Variants in STRN observed in about 807,000 individuals in gnomAD.
STRN encodes striatin.
Under a neutral mutation model 96.3 loss-of-function variants are expected in STRN, and 53 were observed. The ratio of observed to expected loss-of-function variants is 0.55; its 90% CI spans 0.44 to 0.69. The LOEUF (loss-of-function observed/expected upper bound fraction) is 0.69, where lower values mean the gene tolerates loss of function less well. Among genes scored for constraint, STRN ranks in the 30% least tolerant of loss-of-function variants. The pLI, the probability that STRN is intolerant of heterozygous loss-of-function variation, is 0.00. For missense variants in STRN, 987 were observed against 963.9 expected (o/e 1.02, Z -0.32); for synonymous variants, 428 against 355.9 (o/e 1.20, Z -2.28).
At position 36,843,808 on chromosome 2, in the gene STRN, G is replaced by C. The variant is rs933596092; in HGVS notation, c.*5648C>G. The C allele has an allele frequency of 1.3e-5, 2 of 151,996 alleles. No individual in the cohort carries two copies. The highest frequency in any genetic ancestry group is 2.4e-5 in the African/African-American group (1 of 41,396). The allele number at this position is 151,996 out of a possible 1,614,324, so 9.4% of individuals were successfully genotyped here. On this transcript the variant is annotated 3_prime_UTR_variant, in exon 18 of 18. Coordinates refer to ENST00000263918, the MANE Select transcript of STRN (RefSeq NM_003162.4). The stretch of plus-strand genomic sequence containing the variant: ...CACCTATAGCATGTTATCTATATTT[G>C]TACACTTTATTTAAAAACAAATAAT...
Position 36,861,153 on chromosome 2 carries a change from T to G in STRN, c.1648A>C (p.Ile550Leu), listed in dbSNP as rs745755370. ...IQGWNTTNPN[I>L]DPYDSYDPSV... ...CTACCATAAGAATCATAGGGGTCGA[T>G]GTTGGGATTAGTGGTATTCCAGCCC... is the stretch of plus-strand genomic sequence containing the variant. The change falls in exon 13 of 18, where the codon ATC (isoleucine) becomes CTC (leucine). Residue 550 changes from isoleucine (I) to leucine (L), a missense_variant. Ile to Leu is a conservative substitution (Grantham distance 5). Transcript: ENST00000263918. The G allele has an allele frequency of 6.2e-7, 1 of 1,614,086 alleles. No individual in the cohort carries two copies. The highest frequency in any genetic ancestry group is 8.5e-7 in the Non-Finnish European group (1 of 1,179,976).
chr2:36,864,840 G>A (rs377493106), intron 12 of STRN, among the ~76,000 whole-genome samples: 1 of 152,164 alleles, frequency 6.6e-6, no homozygotes, highest in African/African-American at 2.4e-5. Context: ...AGCCTCCCAA[G>A]TAGCTGGGAT....
At chr2:36,861,990 G>A (rs949018802) in intron 12 of STRN, among the ~76,000 whole-genome samples, 1 of 151,984 alleles carries the variant, frequency 6.6e-6, no homozygotes, top group African/African-American at 2.4e-5. Context: ...TATACTCAAT[G>A]TTTAGTTCTC....
intron 1 of STRN, among the ~76,000 whole-genome samples, chr2:36,933,083 C>A (rs934193967): frequency 5.9e-5 from 9 of 151,402 alleles, no homozygotes; most frequent in African/African-American, 2.2e-4. Context: ...CACACACACA[C>A]ACATATATAT....
At position 36,957,676 on chromosome 2, in the gene STRN, A is replaced by C. The variant is rs145043624; in HGVS notation, c.234+8554T>G. 2.1e-4 allele frequency among the ~76,000 whole-genome samples: 32 copies of C among 151,912 alleles called. No individual in the cohort carries two copies. In the East Asian group the frequency reaches 4.8e-3, roughly 23 times the overall value. On this transcript the variant is annotated intron_variant, in intron 1 of 17. Transcript: ENST00000263918. Reference sequence around the variant, plus strand: ...ATGTAAAAAACAAAAAACAAACAAAAAAAAACCTTTCTGAAGAAGATACCT... The same window carrying C: ...ATGTAAAAAACAAAAAACAAACAAACAAAAACCTTTCTGAAGAAGATACCT...
At chr2:36,865,612 A>G (rs1009727109) in intron 12 of STRN, among the ~76,000 whole-genome samples, 2 of 151,996 alleles carry the variant, frequency 1.3e-5, no homozygotes, top group Non-Finnish European at 2.9e-5. Flanking sequence ...CCCAGGTTGG[A>G]GTGCAGTGGT....
chr2:36,937,620 G>C (rs1670738654), intron 1 of STRN, among the ~76,000 whole-genome samples: 1 of 151,358 alleles, frequency 6.6e-6, no homozygotes, highest in Non-Finnish European at 1.5e-5. Context: ...GCTACAGTGA[G>C]TCATGTTTGT....
intron 1 of STRN, among the ~76,000 whole-genome samples, chr2:36,949,123 G>A (rs750572439): frequency 1.3e-5 from 2 of 152,022 alleles, no homozygotes; most frequent in East Asian, 1.9e-4. Flanking sequence ...ACAAATATTC[G>A]TCTTGTGTTA....
chr2:36,909,979 C>T (rs1669922212), intron 3 of STRN, among the ~76,000 whole-genome samples: 1 of 152,024 alleles, frequency 6.6e-6, no homozygotes, highest in South Asian at 2.1e-4. Flanking sequence ...TCTAGACCAG[C>T]CTGGCCAACA....
chr2:36,925,744 T>C (rs1670392420), intron 1 of STRN, among the ~76,000 whole-genome samples: 1 of 152,112 alleles, frequency 6.6e-6, no homozygotes, highest in Non-Finnish European at 1.5e-5. Flanking sequence ...CTGCACTCCA[T>C]CCTGGGTAAC....
At chr2:36,900,986 A>G (rs1467816093) in intron 5 of STRN, among the ~76,000 whole-genome samples, 1 of 151,726 alleles carries the variant, frequency 6.6e-6, no homozygotes, top group African/African-American at 2.4e-5. Flanking sequence ...AATCTTTTAG[A>G]CAGAGAGCAT....
At chr2:36,936,918 A>G (rs1052843311) in intron 1 of STRN, among the ~76,000 whole-genome samples, 5 of 152,208 alleles carry the variant, frequency 3.3e-5, no homozygotes, top group African/African-American at 1.2e-4. Flanking sequence ...TAATCTTTCT[A>G]TGTTCTTACA....
intron 15 of STRN, among the ~76,000 whole-genome samples, chr2:36,853,580 C>T (rs150816243): frequency 2.6e-5 from 4 of 152,322 alleles, no homozygotes; most frequent in Non-Finnish European, 5.9e-5. Context: ...TAGCTTGTGA[C>T]GTATCTGCTT....
rs551821186 is a variant in STRN at position 36,860,994 on chromosome 2, C to T, written c.1669+138G>A. 2.6e-5 allele frequency: 27 copies of T among 1,053,050 alleles called. No homozygotes were observed. The Admixed American group carries it at 7.0e-4, about 27-fold the overall frequency. 65.2% of individuals were successfully genotyped at this position (1,053,050 alleles called of 1,614,324 possible). A position where few individuals can be genotyped will look rare whatever the true frequency, so the allele number is the denominator to read the frequency against. On this transcript the variant is annotated intron_variant, in intron 13 of 17. Transcript: ENST00000263918. ...AAGTTAATTCCTAAATACAGAAGTC[C>T]TTTTTAACAAAATAAAGATGTGGTT...
In STRN at chr2:36,905,584, T is replaced by A. The variant is rs1440159943; in HGVS notation, c.447A>T (p.Gln149His). 1.2e-6 allele frequency: 2 copies of A among 1,613,302 alleles called. No homozygotes were observed. The highest frequency in any genetic ancestry group is 4.5e-5 in the East Asian group (2 of 44,826). The part of the protein sequence containing the change: ...EGNETEVQPQ[Q>H]NSQLMWKQGR... ...CTTGTTTCCACATTAACTGGCTGTTTTGTTGTGGCTGCACTTCTGTTTCAT... is the reference window on the plus strand; with the variant it reads ...CTTGTTTCCACATTAACTGGCTGTTATGTTGTGGCTGCACTTCTGTTTCAT... The change falls in exon 4 of 18, where the codon CAA (glutamine) becomes CAT (histidine). Residue 149 changes from glutamine to histidine, a missense_variant. Gln to His is a conservative substitution (Grantham distance 24). Transcript: ENST00000263918.
Position 36,842,267 on chromosome 2 carries a change from T to C in STRN, c.*7189A>G, listed in dbSNP as rs1266315432. 6.6e-6 allele frequency: 1 copy of C among 152,178 alleles called. No homozygotes were observed. Among genetic ancestry groups the C allele is most frequent in the African/African-American group, 2.4e-5 (1 of 41,440 alleles). The allele number at this position is 152,178 out of a possible 1,614,324, so 9.4% of individuals were successfully genotyped here. A position where few individuals can be genotyped will look rare whatever the true frequency, so the allele number is the denominator to read the frequency against. ...GGGTTTCCCTACCATTACCCTTAATTTGATGCTATTAGAATTTTTAAAAAT... is the reference window on the plus strand; with the variant it reads ...GGGTTTCCCTACCATTACCCTTAATCTGATGCTATTAGAATTTTTAAAAAT... On this transcript the variant is annotated 3_prime_UTR_variant, in exon 18 of 18. Coordinates refer to ENST00000263918, the MANE Select transcript of STRN (RefSeq NM_003162.4).
At chr2:36,879,149 C>G (rs937313739) in intron 9 of STRN, among the ~76,000 whole-genome samples, 1 of 152,076 alleles carries the variant, frequency 6.6e-6, no homozygotes, top group Non-Finnish European at 1.5e-5. Flanking sequence ...CAGCTTACTG[C>G]AACCTCTGCC....
At chr2:36,893,005 G>C (rs892413427) in intron 7 of STRN, among the ~76,000 whole-genome samples, 1 of 151,914 alleles carries the variant, frequency 6.6e-6, no homozygotes, top group Non-Finnish European at 1.5e-5. Context: ...GGGTGACAGA[G>C]TGAGACTCGG....
At chr2:36,899,690 A>AT in intron 5 of STRN, 32 bp from the exon 6 acceptor site, 3 of 1,537,474 alleles carry the variant, frequency 2.0e-6, no homozygotes, top group Non-Finnish European at 2.6e-6. Context: ...CTGCTTAGTT[A>AT]ATCTTTTTAA....
Sources: gnomAD v4.1 joint callset for allele counts (sites outside exome capture counted in the v4.1 genomes callset) on GRCh38, gnomAD v4.1.1 for gene constraint, MANE v1.5 for transcripts, NCBI Gene and HGNC (gene_info 2026-07-23, HGNC 2026-07-21) for gene names.